PHRF1: variants seen among roughly 807,000 people sequenced by gnomAD.
PHRF1 encodes the protein PHD and RING finger domain-containing protein 1.
In PHRF1, 53 loss-of-function variants were observed where a neutral mutation model predicts 128.9. The ratio of observed to expected loss-of-function variants is 0.41; its 90% CI spans 0.33 to 0.52. The LOEUF (loss-of-function observed/expected upper bound fraction) is 0.52. Ranked by LOEUF, PHRF1 falls within the 20% of genes least tolerant of loss-of-function variation. The pLI, the probability that PHRF1 is intolerant of heterozygous loss-of-function variation, is 0.21. For synonymous variants in PHRF1, 1,178 were observed against 980.6 expected (o/e 1.20, Z -3.76); for missense variants, 2,503 against 2,284.5 (o/e 1.10, Z -1.95).
intron 1 of PHRF1, among the ~76,000 whole-genome samples, chr11:577,699 A>G (rs1190112493): frequency 6.6e-6 from 1 of 152,242 alleles, no homozygotes; most frequent in Non-Finnish European, 1.5e-5. Flanking sequence ...ATACAAGAAT[A>G]AAAGTCGGCC....
In PHRF1 at chr11:606,578, C is replaced by T; in HGVS notation, c.1591C>T (p.Leu531Phe). The change falls in exon 13 of 18, where the codon CTC (leucine) becomes TTC (phenylalanine). Residue 531 changes from leucine to phenylalanine, a missense_variant. Transcript: ENST00000264555. The stretch of plus-strand genomic sequence containing the variant: ...TGTCATCATCCACCGCGACGGCTCC[C>T]TCAGCGCCAAGAGGGCGGGTGAGTG... ...SDVIIHRDGSLSAKRAAPVSF... is the reference protein window; with the variant it reads ...SDVIIHRDGSFSAKRAAPVSF... The T allele has an allele frequency of 6.2e-7, 1 of 1,606,960 alleles. No homozygotes were observed. Among genetic ancestry groups the T allele is most frequent in the Non-Finnish European group, 8.5e-7 (1 of 1,177,442 alleles).
intron 9 of PHRF1, among the ~76,000 whole-genome samples, chr11:601,215 C>G (rs1855604340): frequency 6.6e-6 from 1 of 152,020 alleles, no homozygotes; most frequent in Non-Finnish European, 1.5e-5. Context: ...GAGGCTGAGG[C>G]AGGAGGATCG....
In PHRF1 at chr11:605,737, AGAGGCTTCTGGG is replaced by A; in HGVS notation, c.1454+18_1454+29del. ...TGGGGCTTTCCAGGTGTGTGAGGGC[AGAGGCTTCTGGG>A]GAGGTGGGGGCAGCAGTTGGGCATC... On this transcript the variant is annotated intron_variant, in intron 12 of 17. Coordinates refer to ENST00000264555, the MANE Select transcript of PHRF1 (RefSeq NM_001286581.2). 6.2e-7 allele frequency: 1 copy of A among 1,603,284 alleles called. No homozygotes were observed. The highest frequency in any genetic ancestry group is 8.5e-7 in the Non-Finnish European group (1 of 1,177,778).
rs768959820 is a variant in PHRF1, at chr11:607,713, C to G, written c.2257C>G (p.Pro753Ala). Reference sequence around the variant, plus strand: ...CACGGGCAGCTCCCGGCCCCCAGCCCCCAGCTCCCATGGCAGTTTGGCCCC... The same window carrying G: ...CACGGGCAGCTCCCGGCCCCCAGCCGCCAGCTCCCATGGCAGTTTGGCCCC... ...VHTGSSRPPA[P>A]SSHGSLAPLG... Residue 753 changes from proline to alanine, a missense_variant, in exon 14 of 18, where the codon CCC becomes GCC. Physicochemically the swap from Pro to Ala is conservative, Grantham distance 27 (BLOSUM62 -1). Coordinates refer to ENST00000264555, the MANE Select transcript of PHRF1 (RefSeq NM_001286581.2). 20 of 1,611,474 alleles carry G rather than the reference C, an allele frequency of 1.2e-5. No homozygotes were observed. The highest frequency in any genetic ancestry group is 1.7e-6 in the Non-Finnish European group (2 of 1,179,180).
At chr11:602,616 G>A (rs1218966359) in intron 10 of PHRF1, among the ~76,000 whole-genome samples, 4 of 152,038 alleles carry the variant, frequency 2.6e-5, no homozygotes, top group African/African-American at 9.7e-5. Flanking sequence ...GGGAGGCAGA[G>A]GTTGCAGTGA....
intron 9 of PHRF1, 40 bp from the exon 10 acceptor site, chr11:601,534 C>G: frequency 2.5e-6 from 4 of 1,612,538 alleles, no homozygotes; most frequent in Non-Finnish European, 3.4e-6. Context: ...CAGGGAGGGC[C>G]CAGCACAGAG....
At chr11:591,027 A>T (rs1426545072) in intron 4 of PHRF1, among the ~76,000 whole-genome samples, 2 of 152,236 alleles carry the variant, frequency 1.3e-5, no homozygotes, top group Non-Finnish European at 2.9e-5. Context: ...CTAAAAATTT[A>T]CTAGTGAATG....
intron 9 of PHRF1, 22 bp downstream of exon 9, chr11:598,524 C>T (rs1855437746): frequency 6.3e-6 from 10 of 1,597,880 alleles, no homozygotes; most frequent in Non-Finnish European, 8.5e-6. Flanking sequence ...GGGATGGACT[C>T]TCCCGCCAGC....
chr11:587,744 ATAGGG>A (rs1293505113), intron 4 of PHRF1, among the ~76,000 whole-genome samples: 1 of 152,172 alleles, frequency 6.6e-6, no homozygotes, highest in African/African-American at 2.4e-5. Context: ...CCTGGTTGAC[ATAGGG>A]GCCATCTTGG....
intron 1 of PHRF1, among the ~76,000 whole-genome samples, chr11:581,187 A>G (rs1854180864): frequency 6.6e-6 from 1 of 150,950 alleles, no homozygotes; most frequent in African/African-American, 2.4e-5. Flanking sequence ...ATCTGGCTTT[A>G]TGGGTAGCTC....
chr11:577,076 TG>T (rs1229216277), intron 1 of PHRF1, among the ~76,000 whole-genome samples: 1 of 152,230 alleles, frequency 6.6e-6, no homozygotes, highest in Admixed American at 6.5e-5. Flanking sequence ...GTCCGGCCCC[TG>T]TGCATGGTTG....
intron 3 of PHRF1, among the ~76,000 whole-genome samples, chr11:584,579 C>T (rs1854409508): frequency 6.6e-6 from 1 of 152,058 alleles, no homozygotes; most frequent in Non-Finnish European, 1.5e-5. Context: ...TGGGCAGAGG[C>T]GGCAGGCCAG....
Position 607,904 on chromosome 11 carries a change from C to T in PHRF1, c.2448C>T (p.Leu816=), listed in dbSNP as rs1464767210. Residue 816 remains leucine (L), a synonymous_variant, in exon 14 of 18, where the codon CTC becomes CTT. Coordinates refer to ENST00000264555, the MANE Select transcript of PHRF1 (RefSeq NM_001286581.2). The part of the protein sequence containing the change: ...KEQRKENPSP[L]FSIKKTKQLR... Reference sequence around the variant, plus strand: ...AGAGGAAGGAGAACCCCTCACCCCTCTTCTCCATCAAGAAGACGAAGCAGC... The same window carrying T: ...AGAGGAAGGAGAACCCCTCACCCCTTTTCTCCATCAAGAAGACGAAGCAGC... The T allele has an allele frequency of 1.2e-6, 2 of 1,612,722 alleles. No individual in the cohort carries two copies. Among genetic ancestry groups the T allele is most frequent in the Admixed American group, 1.7e-5 (1 of 60,032 alleles).
At position 609,206 on chromosome 11, in the gene PHRF1, T is replaced by C; in HGVS notation, c.3750T>C (p.Ala1250=). The C allele has an allele frequency of 6.2e-7, 1 of 1,608,868 alleles. No individual in the cohort carries two copies. The highest frequency in any genetic ancestry group is 8.5e-7 in the Non-Finnish European group (1 of 1,179,736). Residue 1250 remains alanine, a synonymous_variant, in exon 14 of 18, where the codon GCT becomes GCC. Transcript: ENST00000264555. ...LQAPPVLEVA[A]ECEPDDLDLD... Reference sequence around the variant, plus strand: ...CTCCCCCTGTCCTGGAGGTGGCAGCTGAGTGTGAGCCGGACGACCTGGACC... The same window carrying C: ...CTCCCCCTGTCCTGGAGGTGGCAGCCGAGTGTGAGCCGGACGACCTGGACC...
In PHRF1 at chr11:606,905, G is replaced by T. The variant is rs766561669; in HGVS notation, c.1610-161G>T. ...TGTCATCCACAGAGTGGCTGTTGAA[G>T]CAGCTCTCCGGGTGTGGAAAGGCGA... On this transcript the variant is annotated intron_variant, in intron 13 of 17. Transcript: ENST00000264555. The T allele has an allele frequency of 7.0e-4, 861 of 1,222,090 alleles. 1 individual carries two copies. The highest frequency in any genetic ancestry group is 9.0e-4 in the Non-Finnish European group (816 of 901,848). The allele number at this position is 1,222,090 out of a possible 1,614,324, so 75.7% of individuals were successfully genotyped here. A position where few individuals can be genotyped will look rare whatever the true frequency, so the allele number is the denominator to read the frequency against.
chr11:612,195 A>G lies in PHRF1; in HGVS notation c.*418A>G. ...TGCTGTGTACCTTTGGCTCTGAATT[A>G]GGAATATCTTTACTTTCTCTTTTCC... is the stretch of plus-strand genomic sequence containing the variant. On this transcript the variant is annotated 3_prime_UTR_variant, in exon 18 of 18. Transcript: ENST00000264555. The G allele has an allele frequency of 3.3e-6, 1 of 302,270 alleles. No individual in the cohort carries two copies. Among genetic ancestry groups the G allele is most frequent in the South Asian group, 5.6e-5 (1 of 17,748 alleles). The allele number at this position is 302,270 out of a possible 1,614,324, so 18.7% of individuals were successfully genotyped here.
chr11:600,008 C>G (rs1251672244), intron 9 of PHRF1, among the ~76,000 whole-genome samples: 1 of 152,084 alleles, frequency 6.6e-6, no homozygotes, highest in Non-Finnish European at 1.5e-5. Context: ...GTGTTTTTTG[C>G]AGTTAAAATT....
At chr11:587,845 C>T (rs943397489) in intron 4 of PHRF1, among the ~76,000 whole-genome samples, 3 of 152,042 alleles carry the variant, frequency 2.0e-5, no homozygotes, top group African/African-American at 4.8e-5. Flanking sequence ...CAGAAAACAC[C>T]GGTACGATTT....
At chr11:586,892 T>G (rs1854599332) in intron 3 of PHRF1, among the ~76,000 whole-genome samples, 1 of 152,114 alleles carries the variant, frequency 6.6e-6, no homozygotes, top group South Asian at 2.1e-4. Context: ...ACTGAGGGGC[T>G]CGCTTGGAGG....
Sources: gnomAD v4.1 joint callset for allele counts (sites outside exome capture counted in the v4.1 genomes callset) on GRCh38, gnomAD v4.1.1 for gene constraint, MANE v1.5 for transcripts, NCBI Gene and HGNC (gene_info 2026-07-23, HGNC 2026-07-21) for gene names.